Variants in ASB7 observed in about 807,000 individuals in gnomAD.
ASB7 encodes ankyrin repeat and SOCS box protein 7.
In ASB7, 4 loss-of-function variants were observed where a neutral mutation model predicts 32.5. The ratio of observed to expected loss-of-function variants is 0.12; its 90% CI spans 0.06 to 0.28. The LOEUF (loss-of-function observed/expected upper bound fraction) is 0.28. Ranked by LOEUF, ASB7 falls within the 10% of genes least tolerant of loss-of-function variation. ASB7 has a pLI of 1.00. For missense variants in ASB7, 181 were observed against 407.1 expected (o/e 0.44, Z 4.78); for synonymous variants, 172 against 155.6 (o/e 1.11, Z -0.78).
chr15:100,645,800 T>G (rs1264097867), intron 5 of ASB7: 11 of 1,535,618 alleles, frequency 7.2e-6, no homozygotes, highest in African/African-American at 6.8e-5. Context: ...TCCTGTAAAG[T>G]TGACTTAAGA....
At position 100,614,285 on chromosome 15, in the gene ASB7, AAAAG is replaced by A. The variant is rs548234905; in HGVS notation, c.211+1878_211+1881del. On this transcript the variant is annotated intron_variant, in intron 4 of 5. Transcript: ENST00000332783. ...TGAAACTCTGCTCAAAAAAAAAAAA[AAAAG>A]AAAGAAAGAAAGAAAGAAAAATTCT... is the stretch of plus-strand genomic sequence containing the variant. Among the ~76,000 whole-genome samples, 838 of 151,656 alleles carry A rather than the reference AAAAG, an allele frequency of 5.5e-3. 8 individuals carry two copies. Among genetic ancestry groups the A allele is most frequent in the South Asian group, 0.026 (127 of 4,796 alleles).
intron 4 of ASB7, among the ~76,000 whole-genome samples, chr15:100,620,471 G>A (rs2039781345): frequency 6.6e-6 from 1 of 152,168 alleles, no homozygotes; most frequent in Admixed American, 6.5e-5. Context: ...GAAAACTTAG[G>A]GTTTTACTGT....
At chr15:100,607,978 T>A (rs1027205241) in intron 2 of ASB7, among the ~76,000 whole-genome samples, 1 of 152,172 alleles carries the variant, frequency 6.6e-6, no homozygotes, top group Non-Finnish European at 1.5e-5. Flanking sequence ...TCCATGGAAG[T>A]GGCGGTGGAT....
intron 5 of ASB7, among the ~76,000 whole-genome samples, chr15:100,630,524 G>A (rs1407324229): frequency 6.6e-6 from 1 of 152,218 alleles, no homozygotes; most frequent in Non-Finnish European, 1.5e-5. Flanking sequence ...GAGCCCACAT[G>A]AAATGGAGCA....
chr15:100,612,573 A>AGT, intron 4 of ASB7, 146 bp downstream of exon 4: 1 of 787,128 alleles, frequency 1.3e-6, no homozygotes, highest in Non-Finnish European at 2.0e-6. Flanking sequence ...ATTTGCTATA[A>AGT]GTGTGCCTTT....
At chr15:100,626,408 G>A (rs909751260) in intron 4 of ASB7, among the ~76,000 whole-genome samples, 3 of 152,114 alleles carry the variant, frequency 2.0e-5, no homozygotes, top group Non-Finnish European at 2.9e-5. Flanking sequence ...AATAAGCCAC[G>A]ATTTTACCTC....
intron 2 of ASB7, chr15:100,609,472 C>T (rs1055052185): frequency 3.9e-5 from 6 of 152,142 alleles, no homozygotes; most frequent in South Asian, 4.1e-4. Flanking sequence ...TTTATTTGCT[C>T]TTTCTCAAAT....
At chr15:100,639,917 T>G (rs1404108702) in intron 5 of ASB7, among the ~76,000 whole-genome samples, 2 of 152,180 alleles carry the variant, frequency 1.3e-5, no homozygotes, top group African/African-American at 2.4e-5. Context: ...CAGAGCTCAT[T>G]TACCTTTGGA....
chr15:100,648,289 G>A, intron 5 of ASB7, 34 bp from the exon 6 acceptor site: 1 of 1,556,164 alleles, frequency 6.4e-7, no homozygotes, highest in South Asian at 1.2e-5. Context: ...GTGCTTTGTG[G>A]CTTTGTAACA....
chr15:100,612,164 A>G lies in ASB7; in HGVS notation c.-51-2A>G, dbSNP rs1596998659. 1 of 1,489,894 alleles carries G rather than the reference A, an allele frequency of 6.7e-7. No individual in the cohort carries two copies. The allele number at this position is 1,489,894 out of a possible 1,614,324, so 92.3% of individuals were successfully genotyped here. A position where few individuals can be genotyped will look rare whatever the true frequency, so the allele number is the denominator to read the frequency against. ...TACCTTTTCTACCTTCTCTTCTTAAAGGCTGATCCCCGTAACCTAATGAAT... is the reference window on the plus strand; with the variant it reads ...TACCTTTTCTACCTTCTCTTCTTAAGGGCTGATCCCCGTAACCTAATGAAT... On this transcript the variant is annotated splice_acceptor_variant, in intron 3 of 5. Transcript: ENST00000332783. LOFTEE classifies it low-confidence loss of function (5UTR_SPLICE).
intron 5 of ASB7, among the ~76,000 whole-genome samples, chr15:100,644,396 AATTT>A (rs1413197206): frequency 1.3e-5 from 2 of 152,250 alleles, no homozygotes; most frequent in Non-Finnish European, 1.5e-5. Context: ...TGACAATGAT[AATTT>A]ATTCTTTTCC....
In ASB7 at chr15:100,611,854, C is replaced by T. The variant is rs144555051; in HGVS notation, c.-51-312C>T. ...TTTTTTTTTGAGATGGGGTCTTGCCCTGTGGTCCAGGCTGGAGTGCAGTGT... is the reference window on the plus strand; with the variant it reads ...TTTTTTTTTGAGATGGGGTCTTGCCTTGTGGTCCAGGCTGGAGTGCAGTGT... On this transcript the variant is annotated intron_variant, in intron 3 of 5. Coordinates refer to ENST00000332783, the MANE Select transcript of ASB7 (RefSeq NM_198243.3). Among the ~76,000 whole-genome samples the T allele has an allele frequency of 3.8e-3, 551 of 145,398 alleles. 2 individuals carry two copies. The highest frequency in any genetic ancestry group is 0.013 in the African/African-American group (512 of 39,396).
At chr15:100,604,690 A>G (rs527395746) in intron 2 of ASB7, among the ~76,000 whole-genome samples, 1 of 152,308 alleles carries the variant, frequency 6.6e-6, no homozygotes, top group East Asian at 1.9e-4. Context: ...ATCAGTATCT[A>G]CCAATGACTG....
At chr15:100,631,483 G>A (rs2039883208) in intron 5 of ASB7, among the ~76,000 whole-genome samples, 1 of 152,242 alleles carries the variant, frequency 6.6e-6, no homozygotes, top group South Asian at 2.1e-4. Context: ...CGTGATACCC[G>A]CAGTGCTGCA....
rs780246301 is a variant in ASB7, at chr15:100,649,397, A to T, written c.*935A>T. 2.0e-5 allele frequency: 3 copies of T among 152,092 alleles called. No homozygotes were observed. The highest frequency in any genetic ancestry group is 4.4e-5 in the Non-Finnish European group (3 of 68,006). The allele number at this position is 152,092 out of a possible 1,614,324, so 9.4% of individuals were successfully genotyped here. A position where few individuals can be genotyped will look rare whatever the true frequency, so the allele number is the denominator to read the frequency against. Reference sequence around the variant, plus strand: ...ATTTCCATCTGAAGCTATGTCTTTGACTTCACTTTAAGCAGAAAATTTTGT... The same window carrying T: ...ATTTCCATCTGAAGCTATGTCTTTGTCTTCACTTTAAGCAGAAAATTTTGT... On this transcript the variant is annotated 3_prime_UTR_variant, in exon 6 of 6. Coordinates refer to ENST00000332783, the MANE Select transcript of ASB7 (RefSeq NM_198243.3).
intron 5 of ASB7, chr15:100,645,555 A>G: frequency 1.5e-6 from 1 of 689,534 alleles, no homozygotes; most frequent in Non-Finnish European, 2.7e-6. Flanking sequence ...GGAGCCTTAC[A>G]ACTTCTTGAA....
At chr15:100,614,904 A>G (rs1188485997) in intron 4 of ASB7, among the ~76,000 whole-genome samples, 1 of 152,212 alleles carries the variant, frequency 6.6e-6, no homozygotes, top group East Asian at 1.9e-4. Flanking sequence ...CTCTGTATAT[A>G]TGTATGTATC....
At chr15:100,604,098 A>G (rs759871544) in intron 2 of ASB7, among the ~76,000 whole-genome samples, 7 of 152,250 alleles carry the variant, frequency 4.6e-5, no homozygotes, top group Non-Finnish European at 8.8e-5. Context: ...GAATTTAAAA[A>G]CAAAGGAACC....
chr15:100,640,143 C>G (rs939683967), intron 5 of ASB7, among the ~76,000 whole-genome samples: 1 of 151,928 alleles, frequency 6.6e-6, no homozygotes, highest in African/African-American at 2.4e-5. Flanking sequence ...GGATTTTTTT[C>G]TTTTCTTTTT....
Sources: allele counts gnomAD v4.1 joint callset (sites outside exome capture counted in the v4.1 genomes callset), GRCh38; gene constraint gnomAD v4.1.1; transcripts MANE v1.5; gene names NCBI Gene and HGNC (gene_info 2026-07-23, HGNC 2026-07-21).